PRPH2: variants seen among roughly 807,000 people sequenced by gnomAD.
PRPH2 encodes the protein peripherin 2.
A neutral mutation model predicts 31.3 loss-of-function variants in PRPH2; 17 were observed. That is an observed-to-expected ratio of 0.54 (90% CI 0.37 to 0.81). The LOEUF (loss-of-function observed/expected upper bound fraction) is 0.81, where lower values mean the gene tolerates loss of function less well. Among genes scored for constraint, PRPH2 ranks in the 40% least tolerant of loss-of-function variants. The pLI is 0.00. For synonymous variants in PRPH2, 165 were observed against 184.4 expected (o/e 0.89, Z 0.85); for missense variants, 430 against 439.7 (o/e 0.98, Z 0.20).
chr6:42,716,468 G>C (rs1430960329), intron 1 of PRPH2, among the ~76,000 whole-genome samples: 1 of 151,230 alleles, frequency 6.6e-6, no homozygotes, highest in Non-Finnish European at 1.5e-5. Flanking sequence ...CCAGGCTGGA[G>C]TGCAGTGGCA....
At chr6:42,705,574 TAAAAAAAAAA>T (rs1186158334) in intron 1 of PRPH2, among the ~76,000 whole-genome samples, 1 of 22,286 alleles carries the variant, frequency 4.5e-5, no homozygotes, top group Admixed American at 5.2e-4. Flanking sequence ...AGACTTTCTC[TAAAAAAAAAA>T]AAAAAAAAAA....
At chr6:42,702,686 A>G (rs1007784829) in intron 2 of PRPH2, among the ~76,000 whole-genome samples, 3 of 151,310 alleles carry the variant, frequency 2.0e-5, no homozygotes, top group Non-Finnish European at 4.4e-5. Flanking sequence ...CTTGGCCAAC[A>G]TGGTAAAACC....
intron 1 of PRPH2, chr6:42,711,916 C>T (rs2152007496): frequency 1.0e-6 from 1 of 985,422 alleles, no homozygotes; most frequent in East Asian, 1.1e-4. Context: ...CCCCAAGACA[C>T]TGCAGCTCTG....
At position 42,698,247 on chromosome 6, in the gene PRPH2, G is replaced by T. The variant is rs1446275608; in HGVS notation, c.*48C>A. The T allele has an allele frequency of 6.2e-7, 1 of 1,609,426 alleles. No homozygotes were observed. The highest frequency in any genetic ancestry group is 8.5e-7 in the Non-Finnish European group (1 of 1,178,466). On this transcript the variant is annotated 3_prime_UTR_variant, in exon 3 of 3. Coordinates refer to ENST00000230381, the MANE Select transcript of PRPH2 (RefSeq NM_000322.5). The stretch of plus-strand genomic sequence containing the variant: ...GATGAGGGGGAGATCCACGTTTCTT[G>T]GAGTGCACTATTTCTCAGTGTTCGG...
intron 1 of PRPH2, among the ~76,000 whole-genome samples, chr6:42,710,360 C>A (rs942911843): frequency 2.6e-5 from 4 of 152,206 alleles, no homozygotes; most frequent in African/African-American, 9.6e-5. Context: ...ACATCCAGGT[C>A]AGCCTGGGGG....
chr6:42,700,353 T>C (rs1214678800), intron 2 of PRPH2, among the ~76,000 whole-genome samples: 1 of 152,178 alleles, frequency 6.6e-6, no homozygotes, highest in Admixed American at 6.5e-5. Flanking sequence ...CTTCTTTGTA[T>C]GGCATAGCAA....
chr6:42,702,627 G>T (rs1467241268), intron 2 of PRPH2, among the ~76,000 whole-genome samples: 3 of 150,800 alleles, frequency 2.0e-5, no homozygotes, highest in African/African-American at 7.3e-5. Flanking sequence ...ACTTTGGGAG[G>T]CCGAGGCCGA....
chr6:42,711,639 A>AG (rs1761646486), intron 1 of PRPH2, among the ~76,000 whole-genome samples: 1 of 152,182 alleles, frequency 6.6e-6, no homozygotes, highest in African/African-American at 2.4e-5. Flanking sequence ...CCCAATTTGA[A>AG]GGGGAGACAC....
chr6:42,713,767 A>G (rs1310062020), intron 1 of PRPH2, among the ~76,000 whole-genome samples: 1 of 151,742 alleles, frequency 6.6e-6, no homozygotes, highest in Non-Finnish European at 1.5e-5. Context: ...GAAAATTACA[A>G]AAATTAGCTG....
intron 1 of PRPH2, among the ~76,000 whole-genome samples, chr6:42,708,872 C>T (rs947908694): frequency 4.1e-4 from 62 of 152,264 alleles, no homozygotes; most frequent in Admixed American, 3.5e-3. Context: ...TGAGACAATT[C>T]GAGTCACGCA....
chr6:42,697,151 A>G lies in PRPH2; in HGVS notation c.*1144T>C, dbSNP rs1254459104. The G allele has an allele frequency of 6.6e-6, 1 of 152,058 alleles. No individual in the cohort carries two copies. Among genetic ancestry groups the G allele is most frequent in the African/African-American group, 2.4e-5 (1 of 41,386 alleles). The allele number at this position is 152,058 out of a possible 1,614,324, so 9.4% of individuals were successfully genotyped here. ...CAGGGCTTGGGAAGTCAGCAAAATC[A>G]TTCTCTCCTTCCCCTGAAAGCTTCT... On this transcript the variant is annotated 3_prime_UTR_variant, in exon 3 of 3. Coordinates refer to ENST00000230381, the MANE Select transcript of PRPH2 (RefSeq NM_000322.5).
chr6:42,706,363 C>T (rs2152006011), intron 1 of PRPH2, among the ~76,000 whole-genome samples: 2 of 151,602 alleles, frequency 1.3e-5, no homozygotes, highest in Middle Eastern at 3.4e-3. Flanking sequence ...CGAGATCACG[C>T]CATTGTACTC....
intron 1 of PRPH2, among the ~76,000 whole-genome samples, chr6:42,705,918 C>T (rs1423984262): frequency 6.8e-6 from 1 of 147,482 alleles, no homozygotes; most frequent in Non-Finnish European, 1.5e-5. Flanking sequence ...AAGATCACAC[C>T]ACTGCACTCC....
rs1427887895 is a variant in PRPH2, at chr6:42,698,064, G to C, written c.*231C>G. 4 of 592,678 alleles carry C rather than the reference G, an allele frequency of 6.7e-6. No homozygotes were observed. Among genetic ancestry groups the C allele is most frequent in the Non-Finnish European group, 1.2e-5 (4 of 341,406 alleles). 36.7% of individuals were successfully genotyped at this position (592,678 alleles called of 1,614,324 possible). A position where few individuals can be genotyped will look rare whatever the true frequency, so the allele number is the denominator to read the frequency against. ...TCCTAGGGCAGCGGGCCTGAAGGGA[G>C]CTTCACTCACATTCACATTAGCTTC... On this transcript the variant is annotated 3_prime_UTR_variant, in exon 3 of 3. Coordinates refer to ENST00000230381, the MANE Select transcript of PRPH2 (RefSeq NM_000322.5).
rs1223107400 is a variant in PRPH2, at chr6:42,722,319, C to G, written c.16G>C (p.Val6Leu). 1 of 1,613,762 alleles carries G rather than the reference C, an allele frequency of 6.2e-7. No homozygotes were observed. Among genetic ancestry groups the G allele is most frequent in the Non-Finnish European group, 8.5e-7 (1 of 1,180,058 alleles). The change falls in exon 1 of 3, where the codon GTC (valine) becomes CTC (leucine). Residue 6 changes from valine to leucine, a missense_variant. Transcript: ENST00000230381. This position sits in a 1 kb window ranked among gnomAD's most constrained non-coding sequence, Gnocchi z 4.4. ...ACCCGCTTCTTCTGGTCAAACTTGA[C>G]TTTCAGTAGCGCCATGCTTGCCAAG... MALLK[V>L]KFDQKKRVKL...
At chr6:42,709,042 G>A (rs550854347) in intron 1 of PRPH2, among the ~76,000 whole-genome samples, 2 of 152,222 alleles carry the variant, frequency 1.3e-5, no homozygotes, top group South Asian at 2.1e-4. Context: ...ACAAGAAGTC[G>A]GGGTCCAGCC....
chr6:42,716,962 C>CT (rs1161769235), intron 1 of PRPH2, among the ~76,000 whole-genome samples: 15,900 of 45,282 alleles, frequency 0.35, 5,448 homozygotes, highest in East Asian at 0.5. Context: ...TCTTTCTTTT[C>CT]TTTTTTTTTT....
intron 1 of PRPH2, among the ~76,000 whole-genome samples, chr6:42,718,299 C>CAAAAA (rs3076888): frequency 8.5e-6 from 1 of 118,188 alleles, no homozygotes; most frequent in Non-Finnish European, 1.8e-5. Flanking sequence ...GACCCTGTCT[C>CAAAAA]AAAAAAAAAA....
chr6:42,701,845 C>T (rs1405310774), intron 2 of PRPH2, among the ~76,000 whole-genome samples: 8 of 151,722 alleles, frequency 5.3e-5, no homozygotes. Context: ...TCTAAATTTC[C>T]AGCAGTATGT....
Sources: allele counts gnomAD v4.1 joint callset (sites outside exome capture counted in the v4.1 genomes callset), GRCh38; gene constraint gnomAD v4.1.1; non-coding constraint Gnocchi (gnomAD v3.1); transcripts MANE v1.5; gene names NCBI Gene and HGNC (gene_info 2026-07-23, HGNC 2026-07-21).